Variants in SLC19A1 observed in about 807,000 individuals in gnomAD.
SLC19A1 encodes solute carrier family 19 member 1, also known as reduced folate transporter.
In SLC19A1, 37 loss-of-function variants were observed where a neutral mutation model predicts 35.3. The ratio of observed to expected loss-of-function variants is 1.05; its 90% CI spans 0.81 to 1.38. SLC19A1 has a LOEUF of 1.38. Among genes scored for constraint, SLC19A1 ranks in the 40% most tolerant of loss-of-function variants. The pLI is 0.00. For synonymous variants in SLC19A1, 460 were observed against 398.5 expected (o/e 1.15, Z -1.84); for missense variants, 831 against 826.9 (o/e 1.00, Z -0.06).
At chr21:45,523,785 G>A (rs141417278) in intron 5 of SLC19A1, among the ~76,000 whole-genome samples, 7 of 152,306 alleles carry the variant, frequency 4.6e-5, no homozygotes, top group African/African-American at 7.2e-5. Flanking sequence ...TCCCTGGGAC[G>A]GGCACTCCCT....
chr21:45,548,722 C>T (rs536125757), upstream of SLC19A1, among the ~76,000 whole-genome samples: 202 of 151,756 alleles, frequency 1.3e-3, 5 homozygotes, highest in African/African-American at 4.6e-3. Context: ...CCAGCCTGGG[C>T]GACAGAGTAA....
upstream of SLC19A1, among the ~76,000 whole-genome samples, chr21:45,548,460 G>T (rs1423416884): frequency 6.6e-6 from 1 of 152,154 alleles, no homozygotes; most frequent in Non-Finnish European, 1.5e-5. Flanking sequence ...ACACACAAAA[G>T]AGGCCGGGCG....
In SLC19A1 at chr21:45,540,410, G is replaced by A. The variant is rs1043683389; in HGVS notation, c.-50+1958C>T. ...CCACCCACAGGACCCCCAGGGGCCC[G>A]GGAGCCCTGGGTACTTGGGCCCCCT... On this transcript the variant is annotated intron_variant, in intron 1 of 5. Transcript: ENST00000311124. This position sits in a 1 kb window ranked among gnomAD's most constrained non-coding sequence, Gnocchi z 5.5. Among the ~76,000 whole-genome samples, 4 of 152,098 alleles carry A rather than the reference G, an allele frequency of 2.6e-5. No individual in the cohort carries two copies. Among genetic ancestry groups the A allele is most frequent in the Non-Finnish European group, 4.4e-5 (3 of 68,010 alleles).
chr21:45,553,794 A>G (rs1283130844), intron 1 of SLC19A1, among the ~76,000 whole-genome samples: 1 of 1,896 alleles, frequency 5.3e-4, no homozygotes, highest in Non-Finnish European at 7.2e-4. Context: ...CCAATCCCCC[A>G]CGCCCCCTCC....
At chr21:45,550,642 G>T (rs2078456163) in intron 1 of SLC19A1, among the ~76,000 whole-genome samples, 1 of 152,238 alleles carries the variant, frequency 6.6e-6, no homozygotes, top group African/African-American at 2.4e-5. Flanking sequence ...GCTTGGCCTT[G>T]CAGGCCCCGG....
downstream of SLC19A1, chr21:45,512,265 C>A: frequency 1.9e-6 from 3 of 1,611,754 alleles, no homozygotes; most frequent in Non-Finnish European, 2.5e-6. Flanking sequence ...ACGTGGCGGA[C>A]GGAGGCTCCC....
intron 1 of SLC19A1, among the ~76,000 whole-genome samples, chr21:45,552,892 T>A (rs1243893491): frequency 2.0e-5 from 3 of 151,638 alleles, no homozygotes; most frequent in African/African-American, 7.3e-5. Flanking sequence ...TAATCCACGG[T>A]CACCAGCAGA....
upstream of SLC19A1, among the ~76,000 whole-genome samples, chr21:45,543,597 C>T (rs1035402523): frequency 6.6e-6 from 1 of 152,250 alleles, no homozygotes; most frequent in African/African-American, 2.4e-5. Context: ...AACACAGGGC[C>T]CTTGCCCTAA....
At chr21:45,550,815 C>T (rs937141400) in intron 1 of SLC19A1, among the ~76,000 whole-genome samples, 18 of 152,058 alleles carry the variant, frequency 1.2e-4, no homozygotes, top group Admixed American at 1.2e-3. Flanking sequence ...TCTCAACCTC[C>T]CTTACCTCCA....
At chr21:45,547,059 C>A (rs74626449), upstream of SLC19A1, among the ~76,000 whole-genome samples, 393 of 152,272 alleles carry the variant, frequency 2.6e-3, 3 homozygotes, top group African/African-American at 9.2e-3. Context: ...AGTCTATATA[C>A]AAAAGTAATT....
At chr21:45,545,202 C>A (rs2078400961), upstream of SLC19A1, among the ~76,000 whole-genome samples, 1 of 152,180 alleles carries the variant, frequency 6.6e-6, no homozygotes, top group South Asian at 2.1e-4. Flanking sequence ...TCTGTCCCCT[C>A]CAAATCTCAT....
chr21:45,538,651 G>T (rs1356912900), intron 1 of SLC19A1, among the ~76,000 whole-genome samples: 3 of 152,238 alleles, frequency 2.0e-5, no homozygotes. Context: ...GTGTCCTTGA[G>T]GGGGCTGAGA....
chr21:45,509,291 C>T (rs183871379), downstream of SLC19A1: 369 of 1,531,778 alleles, frequency 2.4e-4, no homozygotes, highest in African/African-American at 3.7e-3. Context: ...CAGAGGAGGA[C>T]ACAGATGGAG....
intron 3 of SLC19A1, chr21:45,505,131 T>A: frequency 6.2e-7 from 1 of 1,608,772 alleles, no homozygotes; most frequent in South Asian, 1.1e-5. Flanking sequence ...TCGCCGTCCG[T>A]AGGGTCCCAA....
At chr21:45,510,396 C>A, downstream of SLC19A1, 1 of 1,035,802 alleles carries the variant, frequency 9.7e-7, no homozygotes, top group East Asian at 2.6e-5. Context: ...AGGCTGGCGA[C>A]TTCAGGGCAG....
rs780339782 is a variant in SLC19A1, at chr21:45,530,935, A to G, written c.986T>C (p.Ile329Thr). ...ITSFAAGFVKIRWARWSKLLI... is the reference protein window; with the variant it reads ...ITSFAAGFVKTRWARWSKLLI... ...CAGCTTGGACCAGCGCGCCCAGCGG[A>G]TCTTCACGAAGCCCGCGGCGAAGGA... is the stretch of plus-strand genomic sequence containing the variant. The change falls in exon 4 of 6, where the codon ATC (isoleucine) becomes ACC (threonine). Residue 329 changes from isoleucine to threonine, a missense_variant. Coordinates refer to ENST00000311124, the MANE Select transcript of SLC19A1 (RefSeq NM_194255.4). The surrounding 1 kb of genome is among the most constrained non-coding windows in gnomAD (Gnocchi z 5.3). The G allele has an allele frequency of 2.7e-6, 4 of 1,454,766 alleles. No homozygotes were observed. The highest frequency in any genetic ancestry group is 3.6e-6 in the Non-Finnish European group (4 of 1,105,552). The allele number at this position is 1,454,766 out of a possible 1,614,324, so 90.1% of individuals were successfully genotyped here. A position where few individuals can be genotyped will look rare whatever the true frequency, so the allele number is the denominator to read the frequency against.
chr21:45,505,388 CTGGGCCCCCTGGGCCCCCT>C, intron 3 of SLC19A1: 1 of 1,571,910 alleles, frequency 6.4e-7, no homozygotes, highest in Non-Finnish European at 8.7e-7. Context: ...CCGGGCCCCC[CTGGGCCCCCTGGGCCCCCT>C]GGAACCATGG....
At chr21:45,504,592 C>T (rs892905800) in intron 3 of SLC19A1, 94 of 1,548,050 alleles carry the variant, frequency 6.1e-5, no homozygotes, top group Non-Finnish European at 8.0e-5. Context: ...GCCCATGTCC[C>T]AGGGGTCTGG....
chr21:45,507,659 C>T (rs2037302542), downstream of SLC19A1: 1 of 1,465,274 alleles, frequency 6.8e-7, no homozygotes, highest in Non-Finnish European at 9.5e-7. Context: ...GTGCTGTCCC[C>T]TGTTTGAGGA....
Sources: gnomAD v4.1 joint callset for allele counts (sites outside exome capture counted in the v4.1 genomes callset) on GRCh38, gnomAD v4.1.1 for gene constraint, Gnocchi (gnomAD v3.1) non-coding constraint, MANE v1.5 for transcripts, NCBI Gene and HGNC (gene_info 2026-07-23, HGNC 2026-07-21) for gene names.